The following CARD8 variants were observed in gnomAD, a reference collection of about 807,000 sequenced individuals.
CARD8 encodes caspase recruitment domain family member 8.
CARD8 carries 38 observed loss-of-function variants against 53.2 expected under a neutral mutation model. That is an observed-to-expected ratio of 0.71 (90% confidence interval 0.55 to 0.94). CARD8 has a LOEUF of 0.94. Among genes scored for constraint, CARD8 ranks in the 40% least tolerant of loss-of-function variants. CARD8 has a pLI of 0.00. For missense variants in CARD8, 561 were observed against 655.5 expected (o/e 0.86, Z 1.57); for synonymous variants, 245 against 244.9 (o/e 1.00, Z 0.00).
intron 3 of CARD8, among the ~76,000 whole-genome samples, chr19:48,247,721 A>G (rs908500197): frequency 2.0e-5 from 3 of 150,498 alleles, no homozygotes; most frequent in Admixed American, 6.7e-5. Context: ...AAAATTTTAT[A>G]TATATATACT....
chr19:48,225,910 G>A (rs776269910), intron 10 of CARD8, among the ~76,000 whole-genome samples: 1 of 152,112 alleles, frequency 6.6e-6, no homozygotes, highest in Non-Finnish European at 1.5e-5. Context: ...AAAATTAGCC[G>A]GGCATGGTGG....
At chr19:48,254,999 C>A (rs1239004576) in intron 1 of CARD8, among the ~76,000 whole-genome samples, 1 of 152,244 alleles carries the variant, frequency 6.6e-6, no homozygotes, top group Non-Finnish European at 1.5e-5. Context: ...TTTCTGTCTT[C>A]CTTTATCTCC....
In CARD8 at chr19:48,234,194, G is replaced by A. The variant is rs920146521; in HGVS notation, c.350+209C>T. The A allele has an allele frequency of 1.3e-5, 7 of 528,994 alleles. No homozygotes were observed. In the Admixed American group the frequency reaches 2.1e-4, roughly 16 times the overall value. The allele number at this position is 528,994 out of a possible 1,614,324, so 32.8% of individuals were successfully genotyped here. The stretch of plus-strand genomic sequence containing the variant: ...ATTGCATTGCTCATTGCCTTTTTGT[G>A]TATAGGTTCTCTAGACACCTCCATG... On this transcript the variant is annotated intron_variant, in intron 6 of 13. Coordinates refer to ENST00000651546, the MANE Select transcript of CARD8 (RefSeq NM_001184900.3).
chr19:48,247,710 C>A (rs1201044765), intron 3 of CARD8, among the ~76,000 whole-genome samples: 2 of 150,514 alleles, frequency 1.3e-5, no homozygotes, highest in Non-Finnish European at 3.0e-5. Context: ...TTTTCACACG[C>A]AAAATTTTAT....
chr19:48,217,256 G>A (rs1266975517), intron 12 of CARD8, among the ~76,000 whole-genome samples: 4 of 152,134 alleles, frequency 2.6e-5, no homozygotes, highest in Non-Finnish European at 4.4e-5. Context: ...TCCCTAGCCC[G>A]GGGGTTGGGG....
intron 5 of CARD8, 96 bp from the exon 6 acceptor site, chr19:48,234,639 A>G: frequency 1.8e-6 from 2 of 1,131,762 alleles, no homozygotes; most frequent in Admixed American, 2.7e-5. Flanking sequence ...ATAGCCATAG[A>G]CTCAATATTT....
downstream of CARD8, chr19:48,204,023 G>C (rs1173900424): frequency 6.3e-5 from 24 of 380,854 alleles, no homozygotes; most frequent in Non-Finnish European, 1.2e-4. Flanking sequence ...CAGGCTGCGG[G>C]GTGTTTCCTT....
At position 48,230,544 on chromosome 19, in the gene CARD8, C is replaced by T. The variant is rs1375869627; in HGVS notation, c.929G>A (p.Arg310His). 3 of 1,613,990 alleles carry T rather than the reference C, an allele frequency of 1.9e-6. No homozygotes were observed. The highest frequency in any genetic ancestry group is 1.1e-5 in the South Asian group (1 of 91,082). ...GILLRIASGT[R>H]LSIPITSNTL... ...GTTGGAAGTGATGGGGATGGAGAGG[C>T]GAGTCCCACTGGCGATCCGCAGCAG... The change falls in exon 10 of 14, where the codon CGC becomes CAC. Residue 310 changes from arginine (R) to histidine (H), a missense_variant. Transcript: ENST00000651546.
intron 1 of CARD8, among the ~76,000 whole-genome samples, chr19:48,252,808 T>TATATACACACAC (rs113740488): frequency 0.024 from 3,580 of 148,254 alleles, 53 homozygotes; most frequent in Non-Finnish European, 0.032. Flanking sequence ...TATCAGTATA[T>TATATACACACAC]ACACACACAC....
chr19:48,207,732 C>CTGTTTTTTTTTTT (rs1599964429), downstream of CARD8, among the ~76,000 whole-genome samples: 26 of 91,264 alleles, frequency 2.8e-4, 1 homozygote, highest in East Asian at 3.4e-3. Flanking sequence ...TGTTGTTTTT[C>CTGTTTTTTTTTTT]TGTTTTTTTT....
intron 5 of CARD8, among the ~76,000 whole-genome samples, chr19:48,234,837 G>A (rs2043579760): frequency 6.6e-6 from 1 of 152,076 alleles, no homozygotes; most frequent in Non-Finnish European, 1.5e-5. Flanking sequence ...ACAAACATTG[G>A]TTTCATAATA....
At chr19:48,226,794 T>A (rs1273605076) in intron 10 of CARD8, among the ~76,000 whole-genome samples, 2 of 151,604 alleles carry the variant, frequency 1.3e-5, no homozygotes, top group Admixed American at 6.6e-5. Flanking sequence ...ATGAAAAGAA[T>A]CAAAATTGAT....
chr19:48,217,385 C>T (rs1004479712), intron 12 of CARD8, among the ~76,000 whole-genome samples: 1 of 152,214 alleles, frequency 6.6e-6, no homozygotes, highest in Non-Finnish European at 1.5e-5. Flanking sequence ...CATGTACTCA[C>T]ACATTTGTTC....
intron 13 of CARD8, chr19:48,212,951 T>C (rs1344790940): frequency 3.9e-5 from 6 of 152,266 alleles, no homozygotes; most frequent in African/African-American, 1.2e-4. Context: ...GAAGGTGCTC[T>C]CTTTTTTCTC....
intron 3 of CARD8, among the ~76,000 whole-genome samples, chr19:48,246,291 A>G (rs997316720): frequency 6.6e-6 from 1 of 152,088 alleles, no homozygotes; most frequent in Admixed American, 6.5e-5. Context: ...ATATTTCTTC[A>G]TGTTCTGGAG....
chr19:48,238,200 C>T, intron 5 of CARD8, 183 bp downstream of exon 5: 1 of 1,154,730 alleles, frequency 8.7e-7, no homozygotes, highest in Non-Finnish European at 1.2e-6. Context: ...CCTTTTTTCC[C>T]TACTTCTTAT....
At chr19:48,224,717 A>C (rs986782345) in intron 10 of CARD8, among the ~76,000 whole-genome samples, 2 of 151,904 alleles carry the variant, frequency 1.3e-5, no homozygotes, top group African/African-American at 4.8e-5. Flanking sequence ...ATGGGTCAAC[A>C]AAATTTCAAG....
At chr19:48,241,636 C>T (rs2045124911) in intron 3 of CARD8, among the ~76,000 whole-genome samples, 1 of 152,122 alleles carries the variant, frequency 6.6e-6, no homozygotes, top group African/African-American at 2.4e-5. Flanking sequence ...CTAAAGATTC[C>T]AACCTGACAG....
intron 10 of CARD8, among the ~76,000 whole-genome samples, chr19:48,225,505 A>G (rs2041587455): frequency 6.6e-6 from 1 of 151,990 alleles, no homozygotes; most frequent in South Asian, 2.1e-4. Context: ...ATAAATAAAT[A>G]AAGGGAGGGA....
Sources: gnomAD v4.1 joint callset for allele counts (sites outside exome capture counted in the v4.1 genomes callset) on GRCh38, gnomAD v4.1.1 for gene constraint, MANE v1.5 for transcripts, NCBI Gene and HGNC (gene_info 2026-07-23, HGNC 2026-07-21) for gene names.